Variants in ZMAT4 observed in about 807,000 individuals in gnomAD.
The protein encoded by ZMAT4 is zinc finger matrin-type 4.
ZMAT4 carries 17 observed loss-of-function variants against 28.7 expected under a neutral mutation model. The observed-to-expected ratio is 0.59, with a 90% CI of 0.41 to 0.89. ZMAT4 has a LOEUF of 0.89. ZMAT4 is among the 40% of genes least tolerant of loss of function. ZMAT4 has a pLI of 0.00. For missense variants in ZMAT4, 240 were observed against 283.8 expected (o/e 0.85, Z 1.11); for synonymous variants, 117 against 109.2 (o/e 1.07, Z -0.44).
chr8:40,587,780 A>G (rs547618749), intron 5 of ZMAT4, among the ~76,000 whole-genome samples: 1 of 152,078 alleles, frequency 6.6e-6, no homozygotes, highest in Non-Finnish European at 1.5e-5. Context: ...TAATATTTAC[A>G]TTACATATAA....
intron 6 of ZMAT4, among the ~76,000 whole-genome samples, chr8:40,544,213 C>T (rs1158094281): frequency 1.3e-5 from 2 of 152,108 alleles, no homozygotes; most frequent in Non-Finnish European, 2.9e-5. Context: ...TTATAGTAAA[C>T]TGTAAGAGTG....
At chr8:40,732,803 C>T (rs964141257) in intron 3 of ZMAT4, among the ~76,000 whole-genome samples, 2 of 139,842 alleles carry the variant, frequency 1.4e-5, no homozygotes, top group Admixed American at 7.4e-5. Context: ...GAACCAGGGA[C>T]ATCTGGCAGA....
chr8:40,679,124 T>G (rs2150477273), intron 4 of ZMAT4, among the ~76,000 whole-genome samples: 1 of 152,306 alleles, frequency 6.6e-6, no homozygotes, highest in African/African-American at 2.4e-5. Context: ...CAACACTTGA[T>G]TTCTAAGAAT....
rs377372160 is a variant in ZMAT4 at position 40,666,398 on chromosome 8, C to A, written c.577+8306G>T. Among the ~76,000 whole-genome samples the A allele has an allele frequency of 1.3e-4, 20 of 152,066 alleles. 1 individual carries two copies. The South Asian group carries it at 4.2e-3, about 32-fold the overall frequency. On this transcript the variant is annotated intron_variant, in intron 5 of 6. Transcript: ENST00000297737. ...GCAATCAAGTTATGCATATTCATAA[C>A]CATCTAGGCCAACCTCATTTATAAT...
At chr8:40,668,694 T>C (rs1808545558) in intron 5 of ZMAT4, among the ~76,000 whole-genome samples, 1 of 151,964 alleles carries the variant, frequency 6.6e-6, no homozygotes, top group African/African-American at 2.4e-5. Context: ...GGACTGCCCT[T>C]ATCTATAAAG....
At chr8:40,818,550 C>A (rs2150603203) in intron 2 of ZMAT4, among the ~76,000 whole-genome samples, 1 of 152,342 alleles carries the variant, frequency 6.6e-6, no homozygotes, top group Non-Finnish European at 1.5e-5. Flanking sequence ...CCAAGACGTT[C>A]AAAAATACTG....
chr8:40,644,865 C>T (rs1303983195), intron 5 of ZMAT4, among the ~76,000 whole-genome samples: 1 of 152,152 alleles, frequency 6.6e-6, no homozygotes, highest in Non-Finnish European at 1.5e-5. Context: ...CTCAAAAACA[C>T]ATATCCCAGT....
intron 1 of ZMAT4, among the ~76,000 whole-genome samples, chr8:40,880,801 A>G (rs1437159617): frequency 6.6e-6 from 1 of 152,152 alleles, no homozygotes; most frequent in Non-Finnish European, 1.5e-5. Context: ...TTTAGCTGTT[A>G]TATTTCTCTT....
intron 5 of ZMAT4, among the ~76,000 whole-genome samples, chr8:40,618,306 C>G (rs1039915052): frequency 2.0e-5 from 3 of 152,168 alleles, no homozygotes; most frequent in Non-Finnish European, 4.4e-5. Context: ...AATGGGGTGT[C>G]CCAGAGGACC....
chr8:40,864,589 G>T (rs1817613902), intron 1 of ZMAT4, among the ~76,000 whole-genome samples: 1 of 152,198 alleles, frequency 6.6e-6, no homozygotes, highest in East Asian at 1.9e-4. Context: ...TTGTGGCAGT[G>T]ATGAGCTGGT....
At chr8:40,837,341 G>A (rs930927876) in intron 1 of ZMAT4, among the ~76,000 whole-genome samples, 6 of 152,190 alleles carry the variant, frequency 3.9e-5, no homozygotes, top group African/African-American at 1.2e-4. Context: ...CTTGGTTCCT[G>A]GATGACTGTG....
intron 1 of ZMAT4, among the ~76,000 whole-genome samples, chr8:40,877,046 C>T (rs533088001): frequency 1.1e-4 from 17 of 152,316 alleles, no homozygotes; most frequent in African/African-American, 3.8e-4. Context: ...CAAATTAAAA[C>T]GAGACCATTA....
At chr8:40,644,638 A>G (rs1044652437) in intron 5 of ZMAT4, among the ~76,000 whole-genome samples, 3 of 152,190 alleles carry the variant, frequency 2.0e-5, no homozygotes, top group African/African-American at 7.2e-5. Context: ...ATTTATGTAG[A>G]TACTCCACCC....
Position 40,752,586 on chromosome 8 carries a change from C to T in ZMAT4, c.192+15055G>A, listed in dbSNP as rs79641905. On this transcript the variant is annotated intron_variant, in intron 3 of 6. Coordinates refer to ENST00000297737, the MANE Select transcript of ZMAT4 (RefSeq NM_024645.3). ...GACTTAAAGATCAGCATCCCTGTGA[C>T]CGCGGGACGGGACAGCAACGTTCCA... is the stretch of plus-strand genomic sequence containing the variant. Among the ~76,000 whole-genome samples, 1,355 of 152,316 alleles carry T rather than the reference C, an allele frequency of 8.9e-3. 13 individuals carry two copies. The highest frequency in any genetic ancestry group is 0.014 in the Non-Finnish European group (924 of 68,026).
At chr8:40,718,797 A>G (rs1810961084) in intron 3 of ZMAT4, among the ~76,000 whole-genome samples, 1 of 152,222 alleles carries the variant, frequency 6.6e-6, no homozygotes, top group Non-Finnish European at 1.5e-5. Context: ...CTCTATAGAT[A>G]AGAGTTCTGG....
chr8:40,533,782 G>A (rs1168832937), intron 6 of ZMAT4, among the ~76,000 whole-genome samples: 1 of 152,158 alleles, frequency 6.6e-6, no homozygotes, highest in Non-Finnish European at 1.5e-5. Flanking sequence ...CCACTTTTTA[G>A]TAGTTGTTAT....
In ZMAT4 at chr8:40,812,060, G is replaced by A. The variant is rs140144743; in HGVS notation, c.102+13515C>T. On this transcript the variant is annotated intron_variant, in intron 2 of 6. Transcript: ENST00000297737. Reference sequence around the variant, plus strand: ...GCAGGAGAATTGCTTGAATTTGGGCGGCAGAGGTTGCAGTGAACTGAGATT... The same window carrying A: ...GCAGGAGAATTGCTTGAATTTGGGCAGCAGAGGTTGCAGTGAACTGAGATT... Among the ~76,000 whole-genome samples, 1,123 of 152,250 alleles carry A rather than the reference G, an allele frequency of 7.4e-3. 8 individuals are homozygous for A. Among genetic ancestry groups the A allele is most frequent in the South Asian group, 0.029 (140 of 4,826 alleles).
rs547449875 is a variant in ZMAT4, at chr8:40,870,712, A to G, written c.-5+26971T>C. ...ATGTCCTTCAAACACCAGGCACATG[A>G]TAGAGGCTGAAAAACATAATTGCTG... On this transcript the variant is annotated intron_variant, in intron 1 of 6. Coordinates refer to ENST00000297737, the MANE Select transcript of ZMAT4 (RefSeq NM_024645.3). Among the ~76,000 whole-genome samples, 8 of 152,354 alleles carry G rather than the reference A, an allele frequency of 5.3e-5. No homozygotes were observed. In the South Asian group the frequency reaches 1.4e-3, roughly 28 times the overall value.
At chr8:40,862,570 T>TAAAAAAAAAAAAAATAAAAAAAAAAAA (rs1554572612) in intron 1 of ZMAT4, among the ~76,000 whole-genome samples, 1 of 90,040 alleles carries the variant, frequency 1.1e-5, no homozygotes, top group Non-Finnish European at 2.1e-5. Flanking sequence ...TAGAGTATAA[T>TAAAAAAAAAAAAAATAAAAAAAAAAAA]AAAAAAAAAA....
Sources: gnomAD v4.1 joint callset for allele counts (sites outside exome capture counted in the v4.1 genomes callset) on GRCh38, gnomAD v4.1.1 for gene constraint, MANE v1.5 for transcripts, NCBI Gene and HGNC (gene_info 2026-07-23, HGNC 2026-07-21) for gene names.